TRMT2A: variants seen among roughly 807,000 people sequenced by gnomAD.
TRMT2A encodes tRNA methyltransferase 2A, also known as tRNA (uracil-5-)-methyltransferase homolog A.
In TRMT2A, 60 loss-of-function variants were observed where a neutral mutation model predicts 59.3. That is an observed-to-expected ratio of 1.01 (90% confidence interval 0.82 to 1.26). The LOEUF (loss-of-function observed/expected upper bound fraction) is 1.26. Among genes scored for constraint, TRMT2A ranks in the 50% most tolerant of loss-of-function variants. The pLI, the probability that TRMT2A is intolerant of heterozygous loss-of-function variation, is 0.00. For synonymous variants in TRMT2A, 403 were observed against 353.7 expected, an observed-to-expected ratio of 1.14 and a Z score of -1.56; for missense variants, 863 against 845.2, an observed-to-expected ratio of 1.02 and a Z score of -0.26.
Position 20,113,763 on chromosome 22 carries a change from A to G in TRMT2A, c.1279T>C (p.Trp427Arg). The change falls in exon 8 of 12, where the codon TGG becomes CGG. Residue 427 changes from tryptophan to arginine, a missense_variant. Physicochemically the swap from Trp to Arg is moderately radical, Grantham distance 101 (BLOSUM62 -3). Coordinates refer to ENST00000252136, the MANE Select transcript of TRMT2A (RefSeq NM_022727.6). ...ATGCTCCCCGCATCCAATTGGGCCC[A>G]GTCCTGGATGACTGTGTAGAGCACC... ...AEVLYTVIQD[W>R]AQLDAGSMVL... 3 of 1,609,458 alleles carry G rather than the reference A, an allele frequency of 1.9e-6. No homozygotes were observed. The highest frequency in any genetic ancestry group is 2.5e-6 in the Non-Finnish European group (3 of 1,178,652).
chr22:20,115,014 C>T lies in TRMT2A; in HGVS notation c.956G>A (p.Arg319His), dbSNP rs148083810. Reference protein sequence around the residue: ...YTGHWKQLTVRTSRRHQAMAI... With the variant: ...YTGHWKQLTVHTSRRHQAMAI... ...CATGGCCTGGTGGCGGCGGCTGGTGCGCACAGTCAGCTGCTTCCAGTGGCC... is the reference window on the plus strand; with the variant it reads ...CATGGCCTGGTGGCGGCGGCTGGTGTGCACAGTCAGCTGCTTCCAGTGGCC... Residue 319 changes from arginine (R) to histidine (H), a missense_variant, in exon 5 of 12, where the codon CGC becomes CAC. Arg to His is a conservative substitution (Grantham distance 29). Transcript: ENST00000252136. 305 of 1,598,440 alleles carry T rather than the reference C, an allele frequency of 1.9e-4. No homozygotes were observed. The highest frequency in any genetic ancestry group is 2.4e-4 in the Non-Finnish European group (283 of 1,175,106).
At position 20,113,331 on chromosome 22, in the gene TRMT2A, C is replaced by T; in HGVS notation, c.1433-97G>A. ...TAGCCAAAGAGCTTGCTCACTTGCT[C>T]TACCTGTCGGGCAGCCCCCAAGCCC... On this transcript the variant is annotated intron_variant, in intron 9 of 11. Coordinates refer to ENST00000252136, the MANE Select transcript of TRMT2A (RefSeq NM_022727.6). The T allele has an allele frequency of 2.0e-6, 3 of 1,520,258 alleles. 1 individual carries two copies. The highest frequency in any genetic ancestry group is 2.5e-5 in the South Asian group (2 of 78,692). 94.2% of individuals were successfully genotyped at this position (1,520,258 alleles called of 1,614,324 possible). A position where few individuals can be genotyped will look rare whatever the true frequency, so the allele number is the denominator to read the frequency against.
At position 20,115,663 on chromosome 22, in the gene TRMT2A, TA is replaced by T. The variant is rs2049989926; in HGVS notation, c.708+8del. 4 of 1,612,762 alleles carry T rather than the reference TA, an allele frequency of 2.5e-6. No homozygotes were observed. In the East Asian group the frequency reaches 8.9e-5, roughly 36 times the overall value. On this transcript the variant is annotated splice_region_variant and intron_variant, in intron 3 of 11. Coordinates refer to ENST00000252136, the MANE Select transcript of TRMT2A (RefSeq NM_022727.6). ...ATAGGGGTTTGTGGCCACCGAAGTC[TA>T]GTCTGACCTGCTGGGGTGATGGCCT...
chr22:20,116,495 C>T lies in TRMT2A; in HGVS notation c.142G>A (p.Gly48Arg). 3 of 1,612,812 alleles carry T rather than the reference C, an allele frequency of 1.9e-6. No individual in the cohort carries two copies. The highest frequency in any genetic ancestry group is 4.5e-5 in the East Asian group (2 of 44,880). Residue 48 changes from glycine (G) to arginine (R), a missense_variant, in exon 2 of 12, where the codon GGG becomes AGG. Transcript: ENST00000252136. ...ALEEVEKEGA[G>R]AATGPGPQPG... ...TGAGGCCCCGGCCCTGTAGCCGCCC[C>T]AGCGCCCTCTTTCTCCACCTCCTCC...
At chr22:20,113,400 TCCCCAC>T in intron 9 of TRMT2A, 26 bp downstream of exon 9, 37 of 1,049,044 alleles carry the variant, frequency 3.5e-5, no homozygotes, top group Non-Finnish European at 5.0e-5. Flanking sequence ...GCTGCCCCCA[TCCCCAC>T]CCCCACCCAC....
At position 20,116,544 on chromosome 22, in the gene TRMT2A, C is replaced by A. The variant is rs1251829829; in HGVS notation, c.93G>T (p.Val31=). 2 of 1,598,408 alleles carry A rather than the reference C, an allele frequency of 1.3e-6. No individual in the cohort carries two copies. The highest frequency in any genetic ancestry group is 1.7e-6 in the Non-Finnish European group (2 of 1,174,992). The change falls in exon 2 of 12, where the codon GTG becomes GTT. Residue 31 remains valine (V), a synonymous_variant. Coordinates refer to ENST00000252136, the MANE Select transcript of TRMT2A (RefSeq NM_022727.6). ...SSALSCPTVS[V]PPAAPAALEE... ...CCAGGGCTGCCGGGGCTGCAGGGGGCACCGAGACGGTAGGGCAGCTCAGGG... is the reference window on the plus strand; with the variant it reads ...CCAGGGCTGCCGGGGCTGCAGGGGGAACCGAGACGGTAGGGCAGCTCAGGG...
rs938224256 is a variant in TRMT2A, at chr22:20,114,950, G to A, written c.1005+15C>T. On this transcript the variant is annotated intron_variant, in intron 5 of 11. Transcript: ENST00000252136. ...TAGGCTAGGCACCCTCCCCCAGCAG[G>A]GCCCCCGTTGAGACCTGGGGGTGGA... The A allele has an allele frequency of 6.3e-7, 1 of 1,576,966 alleles. No individual in the cohort carries two copies. Among genetic ancestry groups the A allele is most frequent in the African/African-American group, 1.3e-5 (1 of 74,408 alleles).
intron 8 of TRMT2A, 21 bp from the exon 9 acceptor site, chr22:20,113,528 G>A (rs1032720437): frequency 1.2e-6 from 2 of 1,613,338 alleles, no homozygotes. Context: ...AAAGCGTGGT[G>A]TCGCCCCACC....
In TRMT2A at chr22:20,115,089, TCA is replaced by T; in HGVS notation, c.891-12_891-11del. 1 of 1,583,552 alleles carries T rather than the reference TCA, an allele frequency of 6.3e-7. No homozygotes were observed. The highest frequency in any genetic ancestry group is 8.5e-7 in the Non-Finnish European group (1 of 1,170,148). ...CGAGTATGGAGTGGACCTGTGGGAATCACGAGCTGGCCCAAGTGCCCACAACT... is the reference window on the plus strand; with the variant it reads ...CGAGTATGGAGTGGACCTGTGGGAATCGAGCTGGCCCAAGTGCCCACAACT... On this transcript the variant is annotated splice_polypyrimidine_tract_variant and intron_variant, in intron 4 of 11. Transcript: ENST00000252136.
chr22:20,114,505 C>T, intron 7 of TRMT2A, 69 bp downstream of exon 7: 2 of 1,303,062 alleles, frequency 1.5e-6, no homozygotes, highest in South Asian at 2.4e-5. Context: ...CCACTGTTCC[C>T]ATCACGTCCT....
rs371028335 is a variant in TRMT2A at position 20,116,126 on chromosome 22, C to G, written c.511G>C (p.Val171Leu). 4.3e-6 allele frequency: 7 copies of G among 1,612,668 alleles called. No individual in the cohort carries two copies. The highest frequency in any genetic ancestry group is 5.9e-6 in the Non-Finnish European group (7 of 1,179,562). Residue 171 changes from valine to leucine, a missense_variant, in exon 2 of 12, where the codon GTG (valine) becomes CTG (leucine). Val to Leu is a conservative substitution (Grantham distance 32). Transcript: ENST00000252136. ...GGCACTGTCCATAGAGGGGTCACCA[C>G]GTCGGCCACTCGTGTTACTGGTGGC... ...SEPPVTRVAD[V>L]VTPLWTVPYA... is the part of the protein sequence containing the mutation.
rs200273141 is a variant in TRMT2A, at chr22:20,115,438, G to C, written c.718C>G (p.Arg240Gly). 1.1e-5 allele frequency: 17 copies of C among 1,608,284 alleles called. No individual in the cohort carries two copies. Among genetic ancestry groups the C allele is most frequent in the Non-Finnish European group, 1.4e-5 (16 of 1,177,862 alleles). Residue 240 changes from arginine (R) to glycine (G), a missense_variant, in exon 4 of 12, where the codon CGT becomes GGT. By Grantham distance (125) the Arg-to-Gly change is moderately radical (BLOSUM62 -2). Transcript: ENST00000252136. ...CCAACCAGAAACTCACACTTATTAC[G>C]ATACTCAGTCTGCAGGGAGAGAGAG... The part of the protein sequence containing the change: ...VRPSPQQTEY[R>G]NKCEFLVGVG...
intron 1 of TRMT2A, 98 bp from the exon 2 acceptor site, chr22:20,116,710 C>T: frequency 3.4e-6 from 5 of 1,464,234 alleles, no homozygotes; most frequent in Non-Finnish European, 4.6e-6. Context: ...CGTCGGTGCA[C>T]TCTGCACTCA....
chr22:20,114,701 C>A lies in TRMT2A; in HGVS notation c.1122-16G>T, dbSNP rs767108599. ...AGGAGTCTTTCTGTGGGCGAAGGTG[C>A]AGGTCCTTCAGTGTCACAGTCCCTG... On this transcript the variant is annotated splice_polypyrimidine_tract_variant and intron_variant, in intron 6 of 11. Transcript: ENST00000252136. 2 of 1,612,546 alleles carry A rather than the reference C, an allele frequency of 1.2e-6. No individual in the cohort carries two copies. Among genetic ancestry groups the A allele is most frequent in the Non-Finnish European group, 1.7e-6 (2 of 1,179,738 alleles).
Position 20,116,069 on chromosome 22 carries a change from C to G in TRMT2A, c.568G>C (p.Glu190Gln). 1 of 1,576,746 alleles carries G rather than the reference C, an allele frequency of 6.3e-7. No individual in the cohort carries two copies. Reference protein sequence around the residue: ...YAEQLERKQLECEQVLQKLAK... With the variant: ...YAEQLERKQLQCEQVLQKLAK... ...AGTTTCTGCAGCACCTGCTCGCACT[C>G]CAGCTGCTTCCGCTCAAGCTGCTCA... The change falls in exon 2 of 12, where the codon GAG (glutamate) becomes CAG (glutamine). Residue 190 changes from glutamate to glutamine, a missense_variant. Glu to Gln is a conservative substitution (Grantham distance 29, BLOSUM62 2). Transcript: ENST00000252136.
intron 8 of TRMT2A, 79 bp downstream of exon 8, chr22:20,113,607 G>A: frequency 6.2e-7 from 1 of 1,602,204 alleles, no homozygotes; most frequent in South Asian, 1.1e-5. Flanking sequence ...GATGGAGTCA[G>A]CTGTGGTGAC....
In TRMT2A at chr22:20,116,883, C is replaced by G. The variant is rs369061846; in HGVS notation, c.24G>C (p.Glu8Asp). Residue 8 changes from glutamate (E) to aspartate (D), a missense_variant and splice_region_variant, in exon 1 of 12, where the codon GAG becomes GAC. Glu to Asp is a conservative substitution (Grantham distance 45). Coordinates refer to ENST00000252136, the MANE Select transcript of TRMT2A (RefSeq NM_022727.6). ...TACCCAGCGTCTCCCCGCACTCTAC[C>G]TCGTTGTCGAGGTTCTCACTCATCG... The part of the protein sequence containing the change: MSENLDN[E>D]GPKPMESCGQ... 1.9e-6 allele frequency: 3 copies of G among 1,605,172 alleles called. No individual in the cohort carries two copies. Among genetic ancestry groups the G allele is most frequent in the Non-Finnish European group, 2.6e-6 (3 of 1,176,362 alleles).
At position 20,116,458 on chromosome 22, in the gene TRMT2A, T is replaced by A. The variant is rs758915275; in HGVS notation, c.179A>T (p.Tyr60Phe). Residue 60 changes from tyrosine (Y) to phenylalanine (F), a missense_variant, in exon 2 of 12, where the codon TAC becomes TTC. Coordinates refer to ENST00000252136, the MANE Select transcript of TRMT2A (RefSeq NM_022727.6). ...AAACAAGTCATCCCTGATGTAGCTG[T>A]AGAGCCCGGGCTGAGGCCCCGGCCC... ...ATGPGPQPGL[Y>F]SYIRDDLFTS... 2.8e-5 allele frequency: 45 copies of A among 1,612,874 alleles called. No individual in the cohort carries two copies. The highest frequency in any genetic ancestry group is 3.6e-5 in the Non-Finnish European group (43 of 1,179,904).
rs756623368 is a variant in TRMT2A, at chr22:20,115,738, G to C, written c.642C>G (p.Leu214=). The change falls in exon 3 of 12, where the codon CTC becomes CTG. Residue 214 remains leucine (L), a synonymous_variant. Coordinates refer to ENST00000252136, the MANE Select transcript of TRMT2A (RefSeq NM_022727.6). The stretch of plus-strand genomic sequence containing the variant: ...CCTTGTTGTGCTTGTGCCTCTGCTC[G>C]AGCAGCCAGGGCAGCAAGGCACGGT... ...STNRALLPWL[L]EQRHKHNKAC... 1 of 1,612,414 alleles carries C rather than the reference G, an allele frequency of 6.2e-7. No individual in the cohort carries two copies. Among genetic ancestry groups the C allele is most frequent in the East Asian group, 2.2e-5 (1 of 44,852 alleles).
Sources: allele counts gnomAD v4.1 joint callset, GRCh38; gene constraint gnomAD v4.1.1; transcripts MANE v1.5; gene names NCBI Gene and HGNC (gene_info 2026-07-23, HGNC 2026-07-21).